The following EGFLAM variants were observed in gnomAD, a reference collection of about 807,000 sequenced individuals.
The protein encoded by EGFLAM is EGF like, fibronectin type III and laminin G domains.
In EGFLAM, 79 loss-of-function variants were observed where a neutral mutation model predicts 113.1. The ratio of observed to expected loss-of-function variants is 0.70; its 90% CI spans 0.58 to 0.84. EGFLAM has a LOEUF of 0.84. Ranked by LOEUF, EGFLAM falls within the 40% of genes least tolerant of loss-of-function variation. The probability of loss-of-function intolerance (pLI) is 0.00; values close to 1 mark genes in which losing one functional copy is unlikely to be tolerated. For missense variants in EGFLAM, 1,265 were observed against 1,291.6 expected (o/e 0.98, Z 0.32); for synonymous variants, 504 against 487.6 (o/e 1.03, Z -0.44).
chr5:38,459,129 C>A (rs1207037378), intron 20 of EGFLAM, among the ~76,000 whole-genome samples: 1 of 152,002 alleles, frequency 6.6e-6, no homozygotes, highest in Admixed American at 6.5e-5. Flanking sequence ...CTCGCTTGAC[C>A]TCCCAGGCTC....
intron 1 of EGFLAM, among the ~76,000 whole-genome samples, chr5:38,277,362 A>G (rs764012691): frequency 2.6e-5 from 4 of 152,210 alleles, no homozygotes; most frequent in Admixed American, 6.5e-5. Flanking sequence ...GAAATTCAAC[A>G]TTCCTTCACC....
chr5:38,435,617 G>A (rs1579928015), intron 16 of EGFLAM, among the ~76,000 whole-genome samples: 2 of 152,056 alleles, frequency 1.3e-5, no homozygotes, highest in Admixed American at 1.3e-4. Flanking sequence ...TTGGCTCTGC[G>A]CTTCTCTTTT....
At chr5:38,359,476 A>G (rs944563819) in intron 5 of EGFLAM, among the ~76,000 whole-genome samples, 3 of 152,172 alleles carry the variant, frequency 2.0e-5, no homozygotes, top group Non-Finnish European at 4.4e-5. Flanking sequence ...GGAGTTTGAG[A>G]CCAGCCTTGC....
intron 1 of EGFLAM, among the ~76,000 whole-genome samples, chr5:38,324,043 CAAAAAAAAA>C (rs34351121): frequency 2.2e-5 from 2 of 92,296 alleles, no homozygotes; most frequent in African/African-American, 8.2e-5. Context: ...CCATCTCAAA[CAAAAAAAAA>C]AAAAAAAAAA....
chr5:38,455,380 A>G (rs1247176712), intron 19 of EGFLAM, among the ~76,000 whole-genome samples: 3 of 152,126 alleles, frequency 2.0e-5, no homozygotes, highest in Non-Finnish European at 4.4e-5. Flanking sequence ...ATACATTCTT[A>G]TATCTGTTTG....
intron 3 of EGFLAM, chr5:38,346,525 T>C (rs2111971522): frequency 6.6e-6 from 1 of 152,340 alleles, no homozygotes; most frequent in African/African-American, 2.4e-5. Flanking sequence ...TAAATAAAGC[T>C]ATACATAGCC....
At chr5:38,275,226 T>A (rs1310956825) in intron 1 of EGFLAM, among the ~76,000 whole-genome samples, 1 of 152,178 alleles carries the variant, frequency 6.6e-6, no homozygotes, top group African/African-American at 2.4e-5. Context: ...TGTGTACCTA[T>A]CAATAATTAC....
At chr5:38,383,160 G>A (rs1013231015) in intron 6 of EGFLAM, among the ~76,000 whole-genome samples, 3 of 152,162 alleles carry the variant, frequency 2.0e-5, no homozygotes, top group African/African-American at 7.2e-5. Context: ...AACCAACATG[G>A]GAGAAGGCAA....
chr5:38,343,778 G>T (rs997438378), intron 3 of EGFLAM, among the ~76,000 whole-genome samples: 1 of 152,186 alleles, frequency 6.6e-6, no homozygotes, highest in African/African-American at 2.4e-5. Flanking sequence ...AGGCAACTGA[G>T]GCCCAGCCTT....
chr5:38,388,609 A>T (rs575829626), intron 6 of EGFLAM, among the ~76,000 whole-genome samples: 3,197 of 151,576 alleles, frequency 0.021, 138 homozygotes, highest in African/African-American at 0.075. Context: ...TGTATATATA[A>T]ATTAGCCCGG....
intron 5 of EGFLAM, among the ~76,000 whole-genome samples, chr5:38,359,693 T>G (rs925221544): frequency 6.6e-6 from 1 of 152,194 alleles, no homozygotes; most frequent in Non-Finnish European, 1.5e-5. Context: ...ACACAAAGTC[T>G]ACTATTGGCT....
At position 38,406,210 on chromosome 5, in the gene EGFLAM, A is replaced by G. The variant is rs367654745; in HGVS notation, c.797A>G (p.Asp266Gly). 2.4e-5 allele frequency: 39 copies of G among 1,614,176 alleles called. No homozygotes were observed. Among genetic ancestry groups the G allele is most frequent in the Non-Finnish European group, 3.3e-5 (39 of 1,180,016 alleles). ...GGTGAGGATGATGAAGGATTTGAAG[A>G]CGACTTAGATTTGGATATTTCCTTT... The part of the protein sequence containing the change: ...GAGEDDEGFE[D>G]DLDLDISFEE... The change falls in exon 7 of 22, where the codon GAC becomes GGC. Residue 266 changes from aspartate to glycine, a missense_variant. Transcript: ENST00000322350.
chr5:38,419,792 C>G (rs1037249216), intron 12 of EGFLAM, among the ~76,000 whole-genome samples: 5 of 152,148 alleles, frequency 3.3e-5, no homozygotes, highest in African/African-American at 9.7e-5. Flanking sequence ...CTTTGGGAGG[C>G]TGAGGCAGGC....
intron 1 of EGFLAM, among the ~76,000 whole-genome samples, chr5:38,329,584 C>G (rs919629519): frequency 8.5e-5 from 13 of 152,076 alleles, no homozygotes; most frequent in Admixed American, 2.0e-4. Flanking sequence ...ACCTGATTTC[C>G]ACTTTTGTTC....
chr5:38,387,576 T>C (rs1405216198), intron 6 of EGFLAM, among the ~76,000 whole-genome samples: 1 of 152,244 alleles, frequency 6.6e-6, no homozygotes, highest in Admixed American at 6.5e-5. Flanking sequence ...ATTCTGTTTG[T>C]TATTCTGACA....
intron 5 of EGFLAM, among the ~76,000 whole-genome samples, chr5:38,358,005 A>C (rs915820729): frequency 5.6e-5 from 8 of 142,914 alleles, no homozygotes; most frequent in African/African-American, 2.1e-4. Flanking sequence ...TAGCTAAGCC[A>C]GGAATGGTAG....
At chr5:38,422,118 T>C (rs964886722) in intron 12 of EGFLAM, among the ~76,000 whole-genome samples, 11 of 152,182 alleles carry the variant, frequency 7.2e-5, no homozygotes, top group African/African-American at 2.7e-4. Flanking sequence ...TTGTTCATGG[T>C]CTCTTTAAGG....
At chr5:38,307,565 T>A (rs1758754743) in intron 1 of EGFLAM, among the ~76,000 whole-genome samples, 1 of 152,220 alleles carries the variant, frequency 6.6e-6, no homozygotes, top group African/African-American at 2.4e-5. Context: ...CCTCTTTCCT[T>A]TATAAATTAC....
chr5:38,357,704 C>G (rs1211354436), intron 5 of EGFLAM, among the ~76,000 whole-genome samples: 3 of 152,120 alleles, frequency 2.0e-5, no homozygotes, highest in African/African-American at 2.4e-5. Flanking sequence ...ATTCAGATAT[C>G]TTAATGTGAA....
Sources: allele counts gnomAD v4.1 joint callset (sites outside exome capture counted in the v4.1 genomes callset), GRCh38; gene constraint gnomAD v4.1.1; transcripts MANE v1.5; gene names NCBI Gene and HGNC (gene_info 2026-07-23, HGNC 2026-07-21).